PXDNL: variants seen among roughly 807,000 people sequenced by gnomAD.
PXDNL encodes probable oxidoreductase PXDNL.
Under a neutral mutation model 150.8 loss-of-function variants are expected in PXDNL, and 145 were observed. The ratio of observed to expected loss-of-function variants is 0.96; its 90% CI spans 0.84 to 1.10. PXDNL has a LOEUF of 1.10. Among genes scored for constraint, PXDNL ranks in the 50% least tolerant of loss-of-function variants. The pLI is 0.00. For missense variants in PXDNL, 2,087 were observed against 1,873.9 expected, an observed-to-expected ratio of 1.11 and a Z score of -2.10; for synonymous variants, 757 against 725.7, an observed-to-expected ratio of 1.04 and a Z score of -0.69.
At chr8:51,669,641 C>T (rs1040289880) in intron 1 of PXDNL, among the ~76,000 whole-genome samples, 2 of 152,104 alleles carry the variant, frequency 1.3e-5, no homozygotes, top group Non-Finnish European at 2.9e-5. Context: ...ACAACACACA[C>T]TCCAAAAGTT....
At chr8:51,375,119 G>A (rs1807263621) in intron 17 of PXDNL, among the ~76,000 whole-genome samples, 1 of 152,118 alleles carries the variant, frequency 6.6e-6, no homozygotes, top group Non-Finnish European at 1.5e-5. Flanking sequence ...TAACAATTCA[G>A]CATTGAGAAA....
At chr8:51,799,975 G>A (rs1378657463) in intron 1 of PXDNL, among the ~76,000 whole-genome samples, 2 of 152,070 alleles carry the variant, frequency 1.3e-5, no homozygotes, top group African/African-American at 4.8e-5. Context: ...ATTTTCCCTA[G>A]AAATTTTTGT....
Position 51,545,739 on chromosome 8 carries a change from G to A in PXDNL, c.380+11101C>T, listed in dbSNP as rs113265594. Among the ~76,000 whole-genome samples the A allele has an allele frequency of 2.4e-3, 367 of 152,274 alleles. 1 individual carries two copies. Among genetic ancestry groups the A allele is most frequent in the African/African-American group, 8.5e-3 (355 of 41,558 alleles). On this transcript the variant is annotated intron_variant, in intron 4 of 22. Coordinates refer to ENST00000356297, the MANE Select transcript of PXDNL (RefSeq NM_144651.5). ...TGTGGAACTCACCCCCACAGTAATG[G>A]CATTAATCTATTCATGAGGGCACGG...
intron 4 of PXDNL, among the ~76,000 whole-genome samples, chr8:51,502,695 G>C (rs1253810663): frequency 6.6e-6 from 1 of 151,082 alleles, no homozygotes; most frequent in Non-Finnish European, 1.5e-5. Flanking sequence ...ACTTTTTAAT[G>C]CTTTGAAACA....
At chr8:51,356,657 T>C (rs1027125574) in intron 19 of PXDNL, among the ~76,000 whole-genome samples, 3 of 152,172 alleles carry the variant, frequency 2.0e-5, no homozygotes, top group Admixed American at 1.3e-4. Flanking sequence ...GCTGGTAAAA[T>C]AAGATTCTTG....
intron 3 of PXDNL, among the ~76,000 whole-genome samples, chr8:51,591,714 G>A (rs898113201): frequency 6.6e-6 from 1 of 152,040 alleles, no homozygotes; most frequent in African/African-American, 2.4e-5. Context: ...CGCCTCCTGG[G>A]TTCACGCCAT....
chr8:51,459,513 T>C (rs925358979), intron 8 of PXDNL, among the ~76,000 whole-genome samples: 1 of 152,236 alleles, frequency 6.6e-6, no homozygotes, highest in Non-Finnish European at 1.5e-5. Flanking sequence ...GGATTCATTA[T>C]GTTAAAAATG....
chr8:51,445,659 G>C (rs1762396672), intron 12 of PXDNL, among the ~76,000 whole-genome samples: 1 of 152,116 alleles, frequency 6.6e-6, no homozygotes, highest in African/African-American at 2.4e-5. Flanking sequence ...TGGCAACAGG[G>C]AAAAATCAAG....
intron 15 of PXDNL, among the ~76,000 whole-genome samples, chr8:51,412,817 T>C (rs1419174460): frequency 6.6e-6 from 1 of 152,216 alleles, no homozygotes; most frequent in Non-Finnish European, 1.5e-5. Context: ...TTCAACTTGA[T>C]AATCATTCTC....
At chr8:51,433,221 TAATAATAATAA>T (rs1165719960) in intron 12 of PXDNL, among the ~76,000 whole-genome samples, 1 of 96,684 alleles carries the variant, frequency 1.0e-5, no homozygotes, top group Non-Finnish European at 2.1e-5. Flanking sequence ...ATAATAATAA[TAATAATAATAA>T]TAATAATAAT....
chr8:51,472,402 A>G (rs892176272), intron 7 of PXDNL, 98 bp from the exon 8 acceptor site: 12 of 851,324 alleles, frequency 1.4e-5, no homozygotes, highest in Non-Finnish European at 2.0e-5. Context: ...ATTTATTTCT[A>G]CATTAAAGTT....
chr8:51,488,967 G>C (rs1376418062), intron 5 of PXDNL, among the ~76,000 whole-genome samples: 1 of 152,136 alleles, frequency 6.6e-6, no homozygotes, highest in Non-Finnish European at 1.5e-5. Flanking sequence ...AGTTTCTATA[G>C]AAGACAAATC....
chr8:51,567,150 GCTTT>G (rs1432978990), intron 3 of PXDNL, among the ~76,000 whole-genome samples: 4 of 151,470 alleles, frequency 2.6e-5, no homozygotes, highest in East Asian at 3.9e-4. Context: ...TACTTTGTAT[GCTTT>G]CTATTTTTTT....
rs919520897 is a variant in PXDNL, at chr8:51,764,848, TC to T, written c.164+44332del. Among the ~76,000 whole-genome samples the T allele has an allele frequency of 7.2e-5, 11 of 152,322 alleles. No individual in the cohort carries two copies. In the South Asian group the frequency reaches 2.1e-3, roughly 29 times the overall value. Reference sequence around the variant, plus strand: ...CTGCGTTATGGTGTTGTTCAAGTTTTCTATTTACTTGATCTTCTGCTTAGTT... The same window carrying T: ...CTGCGTTATGGTGTTGTTCAAGTTTTTATTTACTTGATCTTCTGCTTAGTT... On this transcript the variant is annotated intron_variant, in intron 1 of 22. Coordinates refer to ENST00000356297, the MANE Select transcript of PXDNL (RefSeq NM_144651.5).
chr8:51,533,590 C>G (rs1480399776), intron 4 of PXDNL, among the ~76,000 whole-genome samples: 1 of 148,758 alleles, frequency 6.7e-6, no homozygotes, highest in African/African-American at 2.5e-5. Context: ...CTGCAACCTC[C>G]CTGCCTGATT....
intron 1 of PXDNL, among the ~76,000 whole-genome samples, chr8:51,700,240 C>T (rs1205783582): frequency 7.0e-6 from 1 of 142,016 alleles, no homozygotes. Context: ...CATATACATA[C>T]CCACACATAT....
intron 1 of PXDNL, among the ~76,000 whole-genome samples, chr8:51,676,401 C>G (rs947223232): frequency 6.6e-6 from 1 of 152,126 alleles, no homozygotes; most frequent in Admixed American, 6.6e-5. Flanking sequence ...CTCAGCCTCC[C>G]AAGTAGCTAG....
At chr8:51,780,880 G>A (rs1232835657) in intron 1 of PXDNL, among the ~76,000 whole-genome samples, 1 of 151,274 alleles carries the variant, frequency 6.6e-6, no homozygotes, top group South Asian at 2.1e-4. Flanking sequence ...GGCTGGTCTC[G>A]AACTCCTGAC....
chr8:51,483,785 A>C (rs1810660054), intron 5 of PXDNL, 71 bp from the exon 6 acceptor site: 5 of 895,240 alleles, frequency 5.6e-6, no homozygotes, highest in Non-Finnish European at 5.2e-6. Flanking sequence ...CCTTTCTTTC[A>C]CCTAACTGTG....
Sources: allele counts gnomAD v4.1 joint callset (sites outside exome capture counted in the v4.1 genomes callset), GRCh38; gene constraint gnomAD v4.1.1; transcripts MANE v1.5; gene names NCBI Gene and HGNC (gene_info 2026-07-23, HGNC 2026-07-21).